The following SNED1 variants were observed in gnomAD, a reference collection of about 807,000 sequenced individuals.
SNED1 encodes the protein sushi, nidogen and EGF-like domain-containing protein 1.
In SNED1, 81 loss-of-function variants were observed where a neutral mutation model predicts 166.7. The ratio of observed to expected loss-of-function variants is 0.49; its 90% confidence interval spans 0.41 to 0.58. The LOEUF is 0.58. Ranked by LOEUF, SNED1 falls within the 20% of genes least tolerant of loss-of-function variation. The pLI, the probability that SNED1 is intolerant of heterozygous loss-of-function variation, is 0.00. For missense variants in SNED1, 1,604 were observed against 2,000.2 expected (o/e 0.80, Z 3.78); for synonymous variants, 762 against 822.0 (o/e 0.93, Z 1.25).
intron 8 of SNED1, among the ~76,000 whole-genome samples, chr2:241,044,121 C>T (rs1574970147): frequency 6.6e-6 from 1 of 152,018 alleles, no homozygotes; most frequent in South Asian, 2.1e-4. Flanking sequence ...ATACTCAATC[C>T]AGAAGGCAGG....
intron 16 of SNED1, among the ~76,000 whole-genome samples, chr2:241,058,690 C>A (rs1266698508): frequency 6.6e-6 from 1 of 152,188 alleles, no homozygotes; most frequent in Non-Finnish European, 1.5e-5. Context: ...GTGGCTCATG[C>A]CTGTAATCGC....
chr2:241,025,031 G>A (rs1198877534), intron 1 of SNED1, among the ~76,000 whole-genome samples: 1 of 152,132 alleles, frequency 6.6e-6, no homozygotes, highest in East Asian at 1.9e-4. Context: ...TTCTATTTTG[G>A]TGATTACCCT....
rs776059643 is a variant in SNED1 at position 241,094,391 on chromosome 2, CAA to C, written c.*2758_*2759del. The C allele has an allele frequency of 1.3e-5, 6 of 471,078 alleles. No individual in the cohort carries two copies. The highest frequency in any genetic ancestry group is 4.6e-5 in the South Asian group (3 of 64,576). The allele number at this position is 471,078 out of a possible 1,614,324, so 29.2% of individuals were successfully genotyped here. A position where few individuals can be genotyped will look rare whatever the true frequency, so the allele number is the denominator to read the frequency against. On this transcript the variant is annotated 3_prime_UTR_variant, in exon 32 of 32. Coordinates refer to ENST00000310397, the MANE Select transcript of SNED1 (RefSeq NM_001080437.3). This position sits in a 1 kb window ranked among gnomAD's most constrained non-coding sequence, Gnocchi z 4.3. ...ACCGAGCTGCTTTTCTTTTGCAAAACAAAAGTCTTTTTCTTTGCAGTCACGCT... is the reference window on the plus strand; with the variant it reads ...ACCGAGCTGCTTTTCTTTTGCAAAACAAGTCTTTTTCTTTGCAGTCACGCT...
intron 1 of SNED1, among the ~76,000 whole-genome samples, chr2:241,007,012 T>C (rs1215142994): frequency 6.6e-6 from 1 of 152,194 alleles, no homozygotes; most frequent in African/African-American, 2.4e-5. Context: ...TAGGTACAGA[T>C]TCTAATCTAT....
intron 2 of SNED1, 37 bp from the exon 3 acceptor site, chr2:241,033,694 AGGGG>A: frequency 1.3e-6 from 2 of 1,588,416 alleles, no homozygotes; most frequent in South Asian, 1.2e-5. Flanking sequence ...CCCTGGGCCA[AGGGG>A]AGTGCAGGGC....
Position 241,078,263 on chromosome 2 carries a change from G to A in SNED1, c.3917-3414G>A, listed in dbSNP as rs185596766. 4.8e-3 allele frequency among the ~76,000 whole-genome samples: 724 copies of A among 151,476 alleles called. 11 individuals carry two copies. The highest frequency in any genetic ancestry group is 0.039 in the East Asian group (202 of 5,162). On this transcript the variant is annotated intron_variant, in intron 27 of 31. Coordinates refer to ENST00000310397, the MANE Select transcript of SNED1 (RefSeq NM_001080437.3). ...CTGGGCGTGGTGGCGGGCGCCTGTA[G>A]TCCCAGCTCCTCAGGAGGCTGAGGC...
At chr2:241,007,646 G>C (rs1051329458) in intron 1 of SNED1, among the ~76,000 whole-genome samples, 11 of 152,100 alleles carry the variant, frequency 7.2e-5, no homozygotes, top group African/African-American at 2.4e-5. Context: ...TTCCTTATCT[G>C]TTTTCAAGGG....
intron 21 of SNED1, among the ~76,000 whole-genome samples, chr2:241,067,321 T>C (rs7559967): frequency 0.26 from 38,815 of 152,178 alleles, 7,228 homozygotes; most frequent in African/African-American, 0.51. Context: ...TCCCTGCAGT[T>C]GCTGGGAGTT....
chr2:241,053,305 A>C lies in SNED1; in HGVS notation c.2236A>C (p.Ser746Arg). Residue 746 changes from serine to arginine, a missense_variant, in exon 16 of 32, where the codon AGT (serine) becomes CGT (arginine). Transcript: ENST00000310397. ...GGTCTGCCAGCCACACGGTGTCTGG[A>C]GTGAGCCTCCCCAGTGCCTTGGTGA... ...IRVCQPHGVWSEPPQCLEIDE... is the reference protein window; with the variant it reads ...IRVCQPHGVWREPPQCLEIDE... 6.3e-7 allele frequency: 1 copy of C among 1,589,968 alleles called. No homozygotes were observed. Among genetic ancestry groups the C allele is most frequent in the Non-Finnish European group, 8.6e-7 (1 of 1,166,266 alleles).
In SNED1 at chr2:241,020,137, C is replaced by T. The variant is rs144465458; in HGVS notation, c.214-10147C>T. Among the ~76,000 whole-genome samples, 455 of 152,352 alleles carry T rather than the reference C, an allele frequency of 3.0e-3. 3 individuals carry two copies. Among genetic ancestry groups the T allele is most frequent in the African/African-American group, 0.01 (422 of 41,568 alleles). On this transcript the variant is annotated intron_variant, in intron 1 of 31. Transcript: ENST00000310397. ...ACAAAAAAGAATATGCAACAGAGAC[C>T]ACGTGTGGTCCACAGGGCCAGAAAT...
rs141321240 is a variant in SNED1 at position 241,089,822 on chromosome 2, C to T, written c.*1+1420C>T. On this transcript the variant is annotated intron_variant, in intron 31 of 31. Coordinates refer to ENST00000310397, the MANE Select transcript of SNED1 (RefSeq NM_001080437.3). Reference sequence around the variant, plus strand: ...CAAACCTAGATGGCACCGCGTACTGCGCACCTAGGCTGTGTGGCAGAGCCC... The same window carrying T: ...CAAACCTAGATGGCACCGCGTACTGTGCACCTAGGCTGTGTGGCAGAGCCC... Among the ~76,000 whole-genome samples, 1,474 of 152,380 alleles carry T rather than the reference C, an allele frequency of 9.7e-3. 20 individuals are homozygous for T. The highest frequency in any genetic ancestry group is 0.033 in the African/African-American group (1,360 of 41,590).
intron 17 of SNED1, chr2:241,063,237 T>A (rs1039511546): frequency 1.0e-5 from 5 of 482,824 alleles, no homozygotes; most frequent in Middle Eastern, 5.7e-4. Flanking sequence ...CCATGAGCCC[T>A]GCACACTCTT....
Position 241,084,134 on chromosome 2 carries a change from A to ATT in SNED1, c.4121+1788_4121+1789dup, listed in dbSNP as rs368364855. 3.7e-3 allele frequency among the ~76,000 whole-genome samples: 455 copies of ATT among 123,276 alleles called. 4 individuals are homozygous for ATT. The highest frequency in any genetic ancestry group is 0.013 in the Middle Eastern group (3 of 228). The allele number at this position is 123,276 out of a possible 152,430, so 80.9% of individuals were successfully genotyped here. A position where few individuals can be genotyped will look rare whatever the true frequency, so the allele number is the denominator to read the frequency against. On this transcript the variant is annotated intron_variant, in intron 29 of 31. Coordinates refer to ENST00000310397, the MANE Select transcript of SNED1 (RefSeq NM_001080437.3). ...GTTCAATATGATGGCAGCGTCTAGG[A>ATT]TTTTTTTTTTTTTTTTTTTGAGACA...
intron 4 of SNED1, among the ~76,000 whole-genome samples, 163 bp downstream of exon 4, chr2:241,034,893 G>C (rs892709831): frequency 2.6e-5 from 4 of 152,130 alleles, no homozygotes; most frequent in African/African-American, 7.2e-5. Context: ...AGGAAAGCCT[G>C]GCTGGTCCTG....
chr2:241,001,113 G>C (rs1000183184), intron 1 of SNED1, among the ~76,000 whole-genome samples: 1 of 152,190 alleles, frequency 6.6e-6, no homozygotes, highest in Non-Finnish European at 1.5e-5. Flanking sequence ...TAGGGGCCTC[G>C]TGTCTGCTGG....
Position 241,067,910 on chromosome 2 carries a change from AC to A in SNED1, c.3159del (p.Asp1054MetfsTer24). ...RHPEALRDQA[T>X]DVDRSVDRFT... Reference sequence around the variant, plus strand: ...CCCTGAGGCCCTCAGGGACCAGGCCACCGATGTGGACAGGAGTGTGGACAGG... The same window carrying A: ...CCCTGAGGCCCTCAGGGACCAGGCCACGATGTGGACAGGAGTGTGGACAGG... On this transcript the variant is annotated frameshift_variant, in exon 22 of 32. Coordinates refer to ENST00000310397, the MANE Select transcript of SNED1 (RefSeq NM_001080437.3). LOFTEE classifies it high-confidence loss of function. 1 of 1,613,232 alleles carries A rather than the reference AC, an allele frequency of 6.2e-7. No individual in the cohort carries two copies. Among genetic ancestry groups the A allele is most frequent in the Non-Finnish European group, 8.5e-7 (1 of 1,179,738 alleles).
At chr2:241,052,221 C>A in intron 14 of SNED1, 64 bp downstream of exon 14, 1 of 1,507,950 alleles carries the variant, frequency 6.6e-7, no homozygotes, top group Non-Finnish European at 9.2e-7. Context: ...GATGTGAAAA[C>A]AGGCCCATGG....
chr2:241,004,948 C>T (rs944688329), intron 1 of SNED1, among the ~76,000 whole-genome samples: 4 of 152,130 alleles, frequency 2.6e-5, no homozygotes, highest in African/African-American at 9.7e-5. Context: ...GTCTTGAACT[C>T]CTGATCTCGT....
At chr2:241,086,569 C>T (rs2063587411) in intron 29 of SNED1, among the ~76,000 whole-genome samples, 3 of 152,234 alleles carry the variant, frequency 2.0e-5, no homozygotes, top group Admixed American at 2.0e-4. Flanking sequence ...TGTTTTCTAA[C>T]ATCTGACATA....
Sources: gnomAD v4.1 joint callset for allele counts (sites outside exome capture counted in the v4.1 genomes callset) on GRCh38, gnomAD v4.1.1 for gene constraint, Gnocchi (gnomAD v3.1) non-coding constraint, MANE v1.5 for transcripts, NCBI Gene and HGNC (gene_info 2026-07-23, HGNC 2026-07-21) for gene names.